The following HS6ST3 variants were observed in gnomAD, a reference collection of about 807,000 sequenced individuals.
HS6ST3 encodes the protein heparan-sulfate 6-O-sulfotransferase 3.
HS6ST3 carries 12 observed loss-of-function variants against 36.7 expected under a neutral mutation model. The observed-to-expected ratio is 0.33, with a 90% CI of 0.21 to 0.53. The LOEUF is 0.53. Among genes scored for constraint, HS6ST3 ranks in the 20% least tolerant of loss-of-function variants. HS6ST3 has a pLI of 0.95. For synonymous variants in HS6ST3, 240 were observed against 257.5 expected, an observed-to-expected ratio of 0.93 and a Z score of 0.65; for missense variants, 584 against 640.9, an observed-to-expected ratio of 0.91 and a Z score of 0.96.
At chr13:96,668,773 A>C (rs2056673627) in intron 1 of HS6ST3, among the ~76,000 whole-genome samples, 1 of 122,884 alleles carries the variant, frequency 8.1e-6, no homozygotes, top group South Asian at 2.7e-4. Flanking sequence ...ATTCATCTAG[A>C]TATTTCAAAA....
intron 1 of HS6ST3, among the ~76,000 whole-genome samples, chr13:96,300,202 G>C (rs948683940): frequency 3.3e-5 from 5 of 151,608 alleles, no homozygotes; most frequent in Non-Finnish European, 7.4e-5. Flanking sequence ...GATTACAGGT[G>C]TGTGACACCA....
intron 1 of HS6ST3, among the ~76,000 whole-genome samples, chr13:96,487,785 T>G (rs554117326): frequency 8.5e-5 from 13 of 152,276 alleles, no homozygotes; most frequent in South Asian, 2.1e-4. Flanking sequence ...TTATCATCCC[T>G]TTTTAACATG....
chr13:96,557,120 A>G (rs530273549), intron 1 of HS6ST3, among the ~76,000 whole-genome samples: 5 of 152,304 alleles, frequency 3.3e-5, no homozygotes, highest in East Asian at 1.9e-4. Context: ...AATATTTGCT[A>G]CTGAAATCCA....
At chr13:96,227,331 T>G (rs1290917691) in intron 1 of HS6ST3, among the ~76,000 whole-genome samples, 1 of 152,222 alleles carries the variant, frequency 6.6e-6, no homozygotes, top group Non-Finnish European at 1.5e-5. Flanking sequence ...TGGTCCTAAT[T>G]AAGCTGAGAT....
intron 1 of HS6ST3, among the ~76,000 whole-genome samples, chr13:96,513,389 T>C (rs2056058785): frequency 6.6e-6 from 1 of 152,162 alleles, no homozygotes; most frequent in Non-Finnish European, 1.5e-5. Context: ...TCTGCTCATT[T>C]GGGGTTTTCT....
chr13:96,828,725 C>T (rs1009746436), intron 1 of HS6ST3, among the ~76,000 whole-genome samples: 27 of 152,326 alleles, frequency 1.8e-4, no homozygotes, highest in Admixed American at 5.9e-4. Context: ...AAGTTTGCTA[C>T]ACCAAGGGTC....
At chr13:96,494,418 G>A (rs1445331055) in intron 1 of HS6ST3, among the ~76,000 whole-genome samples, 2 of 150,482 alleles carry the variant, frequency 1.3e-5, no homozygotes, top group East Asian at 2.0e-4. Context: ...GGGAGGGATA[G>A]CATTAGGAGA....
intron 1 of HS6ST3, among the ~76,000 whole-genome samples, chr13:96,253,032 A>C (rs971941827): frequency 3.3e-5 from 5 of 152,166 alleles, no homozygotes; most frequent in African/African-American, 7.2e-5. Context: ...CAGGGAGCTC[A>C]TGTGAATCGT....
At chr13:96,521,618 G>T (rs1233105731) in intron 1 of HS6ST3, among the ~76,000 whole-genome samples, 1 of 152,138 alleles carries the variant, frequency 6.6e-6, no homozygotes, top group African/African-American at 2.4e-5. Flanking sequence ...CTTTCTTCTA[G>T]ATTTTCTAGC....
intron 1 of HS6ST3, among the ~76,000 whole-genome samples, chr13:96,728,859 T>G (rs1409642432): frequency 1.3e-5 from 2 of 152,160 alleles, no homozygotes; most frequent in African/African-American, 4.8e-5. Flanking sequence ...ACAGAGTGTT[T>G]GTGATGATGG....
At chr13:96,673,434 T>C (rs2056688852) in intron 1 of HS6ST3, among the ~76,000 whole-genome samples, 1 of 152,214 alleles carries the variant, frequency 6.6e-6, no homozygotes, top group South Asian at 2.1e-4. Flanking sequence ...TGTTAGAATC[T>C]CTTCTCTTTG....
chr13:96,348,227 A>G (rs2055165209), intron 1 of HS6ST3, among the ~76,000 whole-genome samples: 1 of 152,236 alleles, frequency 6.6e-6, no homozygotes, highest in Admixed American at 6.5e-5. Flanking sequence ...ACTGAAAGAA[A>G]CTAATACAAC....
intron 1 of HS6ST3, among the ~76,000 whole-genome samples, chr13:96,773,482 T>G (rs1470601241): frequency 6.6e-6 from 1 of 152,076 alleles, no homozygotes; most frequent in Non-Finnish European, 1.5e-5. Context: ...ACACTCGAGC[T>G]TGGTCCGGGG....
chr13:96,537,921 T>C (rs1476304904), intron 1 of HS6ST3, among the ~76,000 whole-genome samples: 1 of 151,998 alleles, frequency 6.6e-6, no homozygotes, highest in Non-Finnish European at 1.5e-5. Flanking sequence ...AGGTGGACAG[T>C]GATGGTTTCA....
intron 1 of HS6ST3, among the ~76,000 whole-genome samples, chr13:96,329,928 A>G (rs993717351): frequency 9.4e-5 from 14 of 149,364 alleles, no homozygotes; most frequent in Admixed American, 8.7e-4. Flanking sequence ...TCCTTTTACC[A>G]TTATGTAATG....
chr13:96,324,243 A>G (rs1011154451), intron 1 of HS6ST3, among the ~76,000 whole-genome samples: 13 of 152,314 alleles, frequency 8.5e-5, no homozygotes, highest in African/African-American at 2.2e-4. Context: ...CCAACATAAC[A>G]TATCTTTAAG....
intron 1 of HS6ST3, among the ~76,000 whole-genome samples, chr13:96,544,410 G>A (rs1472156187): frequency 1.3e-5 from 2 of 152,162 alleles, no homozygotes; most frequent in East Asian, 1.9e-4. Flanking sequence ...CTAGTGTGTG[G>A]AAGAATGAGT....
At chr13:96,778,611 C>T (rs1040952308) in intron 1 of HS6ST3, among the ~76,000 whole-genome samples, 26 of 152,032 alleles carry the variant, frequency 1.7e-4, no homozygotes, top group Admixed American at 1.4e-3. Flanking sequence ...AAATCAAAAC[C>T]GCAATGGCAT....
Position 96,532,568 on chromosome 13 carries a change from C to T in HS6ST3, c.708-299922C>T, listed in dbSNP as rs914559862. Among the ~76,000 whole-genome samples the T allele has an allele frequency of 2.0e-5, 3 of 152,188 alleles. No individual in the cohort carries two copies. In the South Asian group the frequency reaches 6.2e-4, roughly 32 times the overall value. On this transcript the variant is annotated intron_variant, in intron 1 of 1. Coordinates refer to ENST00000376705, the MANE Select transcript of HS6ST3 (RefSeq NM_153456.4). ...TCAAAGAAGGTGAGAAAATGCTTGACCTGAACTTCAGGAAGTAAAAAATTA... is the reference window on the plus strand; with the variant it reads ...TCAAAGAAGGTGAGAAAATGCTTGATCTGAACTTCAGGAAGTAAAAAATTA...
Sources: gnomAD v4.1 joint callset for allele counts (sites outside exome capture counted in the v4.1 genomes callset) on GRCh38, gnomAD v4.1.1 for gene constraint, MANE v1.5 for transcripts, NCBI Gene and HGNC (gene_info 2026-07-23, HGNC 2026-07-21) for gene names.